PHYHIPL: variants seen among roughly 807,000 people sequenced by gnomAD.
PHYHIPL encodes the protein phytanoyl-CoA 2-hydroxylase interacting protein like, also known as phytanoyl-CoA hydroxylase-interacting protein-like.
A neutral mutation model predicts 33.4 loss-of-function variants in PHYHIPL; 9 were observed. The observed-to-expected ratio is 0.27, with a 90% CI of 0.16 to 0.47. PHYHIPL has a LOEUF of 0.47. PHYHIPL is among the 20% of genes least tolerant of loss of function. PHYHIPL has a pLI of 0.99. For missense variants in PHYHIPL, 365 were observed against 460.7 expected (o/e 0.79, Z 1.90); for synonymous variants, 153 against 154.1 (o/e 0.99, Z 0.05).
At chr10:59,188,970 A>C (rs1262297609) in intron 1 of PHYHIPL, among the ~76,000 whole-genome samples, 1 of 152,112 alleles carries the variant, frequency 6.6e-6, no homozygotes, top group African/African-American at 2.4e-5. Flanking sequence ...ATATATGCAC[A>C]TGCGTTTCCA....
At chr10:59,239,761 C>G (rs1840335799) in intron 4 of PHYHIPL, among the ~76,000 whole-genome samples, 1 of 151,902 alleles carries the variant, frequency 6.6e-6, no homozygotes, top group African/African-American at 2.4e-5. Context: ...GTTTTAAAAG[C>G]CTTAGTCTCA....
chr10:59,181,036 G>C (rs1838402042), intron 1 of PHYHIPL, among the ~76,000 whole-genome samples: 1 of 152,092 alleles, frequency 6.6e-6, no homozygotes, highest in Non-Finnish European at 1.5e-5. Context: ...TAGAATATTG[G>C]CTCTTGAAAG....
upstream of PHYHIPL, among the ~76,000 whole-genome samples, chr10:59,176,395 C>T (rs897441254): frequency 5.9e-5 from 9 of 152,214 alleles, no homozygotes; most frequent in Admixed American, 2.0e-4. Flanking sequence ...ATAGCGCTCG[C>T]CCTTCCCGCG....
chr10:59,226,992 A>G (rs1477736115), intron 1 of PHYHIPL, among the ~76,000 whole-genome samples: 3 of 152,228 alleles, frequency 2.0e-5, no homozygotes, highest in Non-Finnish European at 4.4e-5. Context: ...AATATAAAAG[A>G]TGCACCTAAA....
chr10:59,204,686 A>G (rs1053285382), intron 1 of PHYHIPL, among the ~76,000 whole-genome samples: 5 of 151,840 alleles, frequency 3.3e-5, no homozygotes, highest in African/African-American at 9.7e-5. Flanking sequence ...TTTTCTTAAC[A>G]TATTACTTAT....
At chr10:59,203,407 C>A (rs1215068184) in intron 1 of PHYHIPL, among the ~76,000 whole-genome samples, 3 of 152,114 alleles carry the variant, frequency 2.0e-5, no homozygotes, top group Non-Finnish European at 4.4e-5. Context: ...CCCAGCCATC[C>A]CATTACTGGG....
chr10:59,208,836 G>A (rs1188487334), intron 1 of PHYHIPL, among the ~76,000 whole-genome samples: 1 of 151,822 alleles, frequency 6.6e-6, no homozygotes, highest in Non-Finnish European at 1.5e-5. Flanking sequence ...AGAGATTGAA[G>A]ATCAACTTAA....
chr10:59,192,545 T>C (rs1383685181), intron 1 of PHYHIPL, among the ~76,000 whole-genome samples: 4 of 152,146 alleles, frequency 2.6e-5, no homozygotes, highest in Admixed American at 2.6e-4. Context: ...TGGATATTTG[T>C]TGTTTAGATA....
At chr10:59,212,170 C>G (rs557174843) in intron 1 of PHYHIPL, among the ~76,000 whole-genome samples, 61 of 152,274 alleles carry the variant, frequency 4.0e-4, no homozygotes, top group Admixed American at 1.1e-3. Flanking sequence ...CAGAAAGTCC[C>G]TACCAGCAAC....
At position 59,245,076 on chromosome 10, in the gene PHYHIPL, A is replaced by T. The variant is rs369883381; in HGVS notation, c.616A>T (p.Met206Leu). Residue 206 changes from methionine (M) to leucine (L), a missense_variant, in exon 5 of 5, where the codon ATG becomes TTG. Transcript: ENST00000373880. ...TTGCAGAGAACATCATGGGAATGCT[A>T]TGCAGCCATCTGTCAAGGATAACAG... is the stretch of plus-strand genomic sequence containing the variant. Reference protein sequence around the residue: ...DYVREHHGNAMQPSVKDNSGS... With the variant: ...DYVREHHGNALQPSVKDNSGS... 6 of 1,611,500 alleles carry T rather than the reference A, an allele frequency of 3.7e-6. No individual in the cohort carries two copies. The African/African-American group carries it at 6.7e-5, about 18-fold the overall frequency.
At chr10:59,230,496 C>T (rs557669606) in intron 1 of PHYHIPL, among the ~76,000 whole-genome samples, 4 of 151,996 alleles carry the variant, frequency 2.6e-5, no homozygotes, top group African/African-American at 7.2e-5. Flanking sequence ...ATTACAGGCA[C>T]GAGGCACTGA....
At chr10:59,233,991 A>G (rs879892351) in intron 1 of PHYHIPL, among the ~76,000 whole-genome samples, 3 of 151,744 alleles carry the variant, frequency 2.0e-5, no homozygotes, top group Admixed American at 1.3e-4. Flanking sequence ...CAACATGTCT[A>G]TGAAATTATC....
intron 1 of PHYHIPL, among the ~76,000 whole-genome samples, chr10:59,219,431 C>A (rs542131076): frequency 6.6e-6 from 1 of 152,248 alleles, no homozygotes; most frequent in Non-Finnish European, 1.5e-5. Context: ...GGTTCACTGA[C>A]TAGTCTCTAT....
chr10:59,206,971 C>A, intron 1 of PHYHIPL: 1 of 243,302 alleles, frequency 4.1e-6, no homozygotes, highest in Non-Finnish European at 7.4e-6. Flanking sequence ...TTTAGCAAAA[C>A]AATACAGTAA....
intron 1 of PHYHIPL, among the ~76,000 whole-genome samples, chr10:59,187,918 T>C (rs1838660602): frequency 6.6e-6 from 1 of 152,188 alleles, no homozygotes; most frequent in Non-Finnish European, 1.5e-5. Flanking sequence ...AAAAACCACC[T>C]CCTGGATTCA....
chr10:59,181,611 T>G (rs188964064), intron 1 of PHYHIPL, among the ~76,000 whole-genome samples: 1 of 152,290 alleles, frequency 6.6e-6, no homozygotes, highest in East Asian at 1.9e-4. Context: ...CTTTATTAAC[T>G]TTTTCCAAGG....
At chr10:59,181,315 A>G (rs12247520) in intron 1 of PHYHIPL, among the ~76,000 whole-genome samples, 7,407 of 152,214 alleles carry the variant, frequency 0.049, 346 homozygotes, top group African/African-American at 0.11. Flanking sequence ...TTTCAGTTAC[A>G]TGTTATAGGA....
intron 1 of PHYHIPL, among the ~76,000 whole-genome samples, chr10:59,202,953 G>A (rs1437616377): frequency 6.6e-6 from 1 of 152,088 alleles, no homozygotes; most frequent in Non-Finnish European, 1.5e-5. Context: ...GTCGTAAACT[G>A]CAGCACCCAT....
At chr10:59,187,933 T>C (rs1032989814) in intron 1 of PHYHIPL, among the ~76,000 whole-genome samples, 2 of 152,204 alleles carry the variant, frequency 1.3e-5, no homozygotes, top group East Asian at 1.9e-4. Flanking sequence ...GATTCATTGA[T>C]ATTTTGAAGG....
Sources: gnomAD v4.1 joint callset for allele counts (sites outside exome capture counted in the v4.1 genomes callset) on GRCh38, gnomAD v4.1.1 for gene constraint, MANE v1.5 for transcripts, NCBI Gene and HGNC (gene_info 2026-07-23, HGNC 2026-07-21) for gene names.